The following KIAA1217 variants were observed in gnomAD, a reference collection of about 807,000 sequenced individuals.
The protein encoded by KIAA1217 is KIAA1217.
In KIAA1217, 88 loss-of-function variants were observed where a neutral mutation model predicts 163.9. That is an observed-to-expected ratio of 0.54 (90% confidence interval 0.45 to 0.64). The LOEUF (loss-of-function observed/expected upper bound fraction) is 0.64. Ranked by LOEUF, KIAA1217 falls within the 30% of genes least tolerant of loss-of-function variation. The probability of loss-of-function intolerance (pLI) is 0.00; values close to 1 mark genes in which losing one functional copy is unlikely to be tolerated. For missense variants in KIAA1217, 2,372 were observed against 2,475.0 expected (o/e 0.96, Z 0.88); for synonymous variants, 903 against 923.1 (o/e 0.98, Z 0.39).
At chr10:24,408,364 C>T (rs1025809488) in intron 3 of KIAA1217, among the ~76,000 whole-genome samples, 4 of 152,174 alleles carry the variant, frequency 2.6e-5, no homozygotes, top group African/African-American at 9.7e-5. Context: ...CTTACATCCC[C>T]TACTCCTAAT....
intron 5 of KIAA1217, among the ~76,000 whole-genome samples, chr10:24,470,447 T>C (rs1592198752): frequency 6.6e-6 from 1 of 152,158 alleles, no homozygotes; most frequent in South Asian, 2.1e-4. Context: ...GCAGGGGCCA[T>C]GCAGAGCAGA....
intron 1 of KIAA1217, among the ~76,000 whole-genome samples, chr10:24,211,595 T>TATTGTATTGTATTGTATTG (rs1564836416): frequency 1.4e-5 from 2 of 139,586 alleles, no homozygotes; most frequent in South Asian, 2.4e-4. Flanking sequence ...GTATTGTATT[T>TATTGTATTGTATTGTATTG]TATTTTATTT....
intron 1 of KIAA1217, among the ~76,000 whole-genome samples, chr10:23,990,728 T>C (rs1846183413): frequency 6.6e-6 from 1 of 152,146 alleles, no homozygotes; most frequent in South Asian, 2.1e-4. Flanking sequence ...CAAATAAAAA[T>C]GTAAGGAACT....
At chr10:23,707,669 A>ACTTTACCACT (rs1836979890) in intron 1 of KIAA1217, among the ~76,000 whole-genome samples, 1 of 152,148 alleles carries the variant, frequency 6.6e-6, no homozygotes, top group South Asian at 2.1e-4. Flanking sequence ...GAAAGTCCGG[A>ACTTTACCACT]CTTTACCACT....
chr10:23,986,552 T>G (rs1845979568), intron 1 of KIAA1217, among the ~76,000 whole-genome samples: 1 of 144,292 alleles, frequency 6.9e-6, no homozygotes, highest in Non-Finnish European at 1.6e-5. Context: ...TTAGTTGTAT[T>G]ATTTTTATGA....
At chr10:24,248,550 A>T (rs957277489) in intron 2 of KIAA1217, among the ~76,000 whole-genome samples, 1 of 151,736 alleles carries the variant, frequency 6.6e-6, no homozygotes, top group African/African-American at 2.4e-5. Flanking sequence ...GGGTGCCTGT[A>T]ATCCCAGCTA....
intron 1 of KIAA1217, among the ~76,000 whole-genome samples, chr10:23,713,534 A>T (rs1186866085): frequency 6.6e-6 from 1 of 152,088 alleles, no homozygotes; most frequent in East Asian, 1.9e-4. Context: ...AATTGTGTTG[A>T]CCACTCTACA....
intron 2 of KIAA1217, among the ~76,000 whole-genome samples, chr10:24,092,413 C>A (rs1338901592): frequency 6.6e-6 from 1 of 151,526 alleles, no homozygotes; most frequent in African/African-American, 2.4e-5. Flanking sequence ...ATCCCACTCC[C>A]AACAAAAATA....
chr10:24,205,302 C>CAAAAAAAA (rs61292023), upstream of KIAA1217, among the ~76,000 whole-genome samples: 3 of 36,608 alleles, frequency 8.2e-5, no homozygotes, highest in Non-Finnish European at 1.6e-4. Context: ...ACTAAAAATA[C>CAAAAAAAA]AAAAAAAAAA....
intron 1 of KIAA1217, among the ~76,000 whole-genome samples, chr10:23,889,728 T>G (rs1272747133): frequency 6.6e-6 from 1 of 151,752 alleles, no homozygotes; most frequent in Non-Finnish European, 1.5e-5. Context: ...CATTTTGTAT[T>G]GTTTTTTCTC....
intron 1 of KIAA1217, among the ~76,000 whole-genome samples, chr10:23,776,922 G>A (rs1041039611): frequency 3.9e-5 from 6 of 151,950 alleles, no homozygotes; most frequent in African/African-American, 1.5e-4. Flanking sequence ...GGCCTCAAGT[G>A]CTCCACCTGT....
chr10:24,202,759 G>C (rs996990026), intron 2 of KIAA1217, among the ~76,000 whole-genome samples: 6 of 152,218 alleles, frequency 3.9e-5, no homozygotes, highest in Admixed American at 6.5e-5. Flanking sequence ...TCAGTGACTA[G>C]AGCAGGCGCC....
chr10:24,095,225 C>T lies in KIAA1217; in HGVS notation c.-171+87851C>T, dbSNP rs537719887. 1.2e-4 allele frequency among the ~76,000 whole-genome samples: 19 copies of T among 152,328 alleles called. No homozygotes were observed. In the South Asian group the frequency reaches 1.9e-3, roughly 15 times the overall value. ...GCCTCGCCCTGCTTCTGCTCGTGCA[C>T]GGGTGCGCTGCACCCACTGTCCTGC... On this transcript the variant is annotated intron_variant, in intron 2 of 18. Transcript: ENST00000376462.
At chr10:23,851,479 G>T (rs372913841) in intron 1 of KIAA1217, among the ~76,000 whole-genome samples, 1 of 152,158 alleles carries the variant, frequency 6.6e-6, no homozygotes, top group East Asian at 1.9e-4. Flanking sequence ...ACATATGTGT[G>T]CATGTGTCTT....
chr10:23,832,419 G>C (rs1838251054), intron 1 of KIAA1217, among the ~76,000 whole-genome samples: 5 of 152,136 alleles, frequency 3.3e-5, no homozygotes, highest in Admixed American at 2.0e-4. Flanking sequence ...TCTGAGCCCT[G>C]TCCTTTCTGG....
intron 5 of KIAA1217, among the ~76,000 whole-genome samples, chr10:24,448,414 G>T (rs142232505): frequency 2.0e-4 from 31 of 152,186 alleles, no homozygotes; most frequent in African/African-American, 6.7e-4. Context: ...TGAAGGCAGG[G>T]TCTTGCTCTG....
intron 2 of KIAA1217, among the ~76,000 whole-genome samples, chr10:24,336,156 C>G (rs2046333571): frequency 6.6e-6 from 1 of 152,142 alleles, no homozygotes; most frequent in African/African-American, 2.4e-5. Flanking sequence ...GCAGGAGAAT[C>G]TCGTGAACAT....
At chr10:24,387,205 C>G (rs1195067166) in intron 3 of KIAA1217, among the ~76,000 whole-genome samples, 4 of 152,174 alleles carry the variant, frequency 2.6e-5, no homozygotes, top group African/African-American at 9.7e-5. Context: ...GCTTATCCAC[C>G]AAAATCAAGT....
In KIAA1217 at chr10:24,533,011, C is replaced by CT; in HGVS notation, c.3247-53dup. ...CAGTGAGGGACCATACGATCTGTCCCTTTTTTGCTAGCACCTAGGAGATGT... is the reference window on the plus strand; with the variant it reads ...CAGTGAGGGACCATACGATCTGTCCCTTTTTTTGCTAGCACCTAGGAGATGT... On this transcript the variant is annotated intron_variant, in intron 15 of 20. Transcript: ENST00000376454. 2.0e-6 allele frequency: 3 copies of CT among 1,511,428 alleles called. No individual in the cohort carries two copies. In the South Asian group the frequency reaches 3.9e-5, roughly 20 times the overall value. 93.6% of individuals were successfully genotyped at this position (1,511,428 alleles called of 1,614,324 possible).
Sources: allele counts gnomAD v4.1 joint callset (sites outside exome capture counted in the v4.1 genomes callset), GRCh38; gene constraint gnomAD v4.1.1; transcripts MANE v1.5; gene names NCBI Gene and HGNC (gene_info 2026-07-23, HGNC 2026-07-21).